EYS: variants seen among roughly 807,000 people sequenced by gnomAD.
The protein encoded by EYS is EGF-like photoreceptor maintenance factor.
A neutral mutation model predicts 282.1 loss-of-function variants in EYS; 250 were observed. That is an observed-to-expected ratio of 0.89 (90% CI 0.80 to 0.98). EYS has a LOEUF of 0.98. Ranked by LOEUF, EYS falls within the 50% of genes least tolerant of loss-of-function variation. EYS has a pLI of 0.00. For missense variants in EYS, 4,016 were observed against 3,709.0 expected, an observed-to-expected ratio of 1.08 and a Z score of -2.15; for synonymous variants, 1,355 against 1,282.9, an observed-to-expected ratio of 1.06 and a Z score of -1.20.
At chr6:65,402,144 T>C (rs1252037957) in intron 7 of EYS, among the ~76,000 whole-genome samples, 1 of 151,650 alleles carries the variant, frequency 6.6e-6, no homozygotes, top group Non-Finnish European at 1.5e-5. Context: ...ATAACAAAAA[T>C]AATACTATGG....
At chr6:65,559,757 ATATAGT>A (rs1271048284) in intron 2 of EYS, among the ~76,000 whole-genome samples, 17 of 152,094 alleles carry the variant, frequency 1.1e-4, no homozygotes, top group Non-Finnish European at 4.4e-5. Flanking sequence ...TACACTAATA[ATATAGT>A]TATAAAACTT....
intron 19 of EYS, among the ~76,000 whole-genome samples, chr6:64,859,202 T>A (rs1766159886): frequency 6.7e-6 from 1 of 148,498 alleles, no homozygotes; most frequent in Admixed American, 6.7e-5. Context: ...CAAAATAATA[T>A]TTAAAAATAT....
chr6:65,258,364 G>A (rs1447793217), intron 12 of EYS, among the ~76,000 whole-genome samples: 4 of 152,020 alleles, frequency 2.6e-5, no homozygotes, highest in Non-Finnish European at 5.9e-5. Context: ...ATTTCCCTGT[G>A]ATATAGGTAA....
chr6:64,448,162 A>G (rs1172586678), intron 26 of EYS, among the ~76,000 whole-genome samples: 1 of 152,162 alleles, frequency 6.6e-6, no homozygotes, highest in African/African-American at 2.4e-5. Flanking sequence ...CCACCCTAAT[A>G]CTGTGCTTTT....
chr6:64,342,375 A>C (rs1771154059), intron 29 of EYS, among the ~76,000 whole-genome samples: 1 of 151,960 alleles, frequency 6.6e-6, no homozygotes, highest in Non-Finnish European at 1.5e-5. Flanking sequence ...TCTCCACAGA[A>C]ACTCTACAAG....
intron 22 of EYS, among the ~76,000 whole-genome samples, chr6:64,668,581 G>A (rs1003634441): frequency 2.8e-5 from 3 of 108,642 alleles, no homozygotes; most frequent in African/African-American, 7.1e-5. Flanking sequence ...ACAGAGTCTC[G>A]CTCTGTCGCC....
chr6:65,038,381 CATA>C (rs530700469), intron 13 of EYS, among the ~76,000 whole-genome samples: 17 of 151,278 alleles, frequency 1.1e-4, no homozygotes, highest in African/African-American at 4.1e-4. Flanking sequence ...TTTTGTTTAG[CATA>C]ATATTTGAGA....
At chr6:65,401,925 G>A (rs1766519556) in intron 7 of EYS, among the ~76,000 whole-genome samples, 1 of 151,818 alleles carries the variant, frequency 6.6e-6, no homozygotes, top group Admixed American at 6.6e-5. Context: ...TGTCTATAAA[G>A]CTATTTAAAA....
chr6:65,393,065 G>C (rs370834063), intron 7 of EYS, among the ~76,000 whole-genome samples: 1 of 151,692 alleles, frequency 6.6e-6, no homozygotes, highest in African/African-American at 2.4e-5. Flanking sequence ...AGTAAACTAT[G>C]GCAAGAACAA....
intron 31 of EYS, among the ~76,000 whole-genome samples, chr6:64,140,606 G>T (rs967638760): frequency 6.6e-6 from 1 of 152,156 alleles, no homozygotes; most frequent in African/African-American, 2.4e-5. Flanking sequence ...GGCTGTGTAT[G>T]CCCCCAGCTT....
At chr6:64,498,785 A>C (rs572923800) in intron 26 of EYS, among the ~76,000 whole-genome samples, 2 of 152,238 alleles carry the variant, frequency 1.3e-5, no homozygotes, top group African/African-American at 2.4e-5. Flanking sequence ...GTCCCTGCAA[A>C]GGACATAAAC....
chr6:64,331,334 G>C (rs1032842351), intron 29 of EYS, among the ~76,000 whole-genome samples: 7 of 152,178 alleles, frequency 4.6e-5, no homozygotes, highest in African/African-American at 1.7e-4. Flanking sequence ...AGAAGTAGCA[G>C]TCATCTATTG....
At chr6:64,955,103 C>T (rs1769651010) in intron 14 of EYS, among the ~76,000 whole-genome samples, 1 of 152,046 alleles carries the variant, frequency 6.6e-6, no homozygotes, top group Non-Finnish European at 1.5e-5. Context: ...ACACTTGAAC[C>T]TGGGAGGCGG....
At chr6:64,296,578 ATATATACATATATATATATATTTT>A (rs1769016846) in intron 30 of EYS, among the ~76,000 whole-genome samples, 1 of 5,930 alleles carries the variant, frequency 1.7e-4, no homozygotes, top group East Asian at 2.7e-3. Context: ...ATATATATAT[ATATATACATATATATATATATTTT>A]TTTTTTTTTT....
At chr6:65,534,461 C>A (rs1157764905) in intron 2 of EYS, among the ~76,000 whole-genome samples, 3 of 152,052 alleles carry the variant, frequency 2.0e-5, no homozygotes, top group Non-Finnish European at 4.4e-5. Context: ...TATACAAACA[C>A]AATGGCCAGA....
intron 2 of EYS, among the ~76,000 whole-genome samples, chr6:65,583,517 T>C (rs930067241): frequency 1.1e-4 from 16 of 152,100 alleles, no homozygotes; most frequent in African/African-American, 3.9e-4. Context: ...TCTATGACTC[T>C]CATTTCATTT....
In EYS at chr6:64,839,803, G is replaced by A. The variant is rs138421155; in HGVS notation, c.2993-16981C>T. 4.8e-4 allele frequency among the ~76,000 whole-genome samples: 73 copies of A among 152,060 alleles called. No individual in the cohort carries two copies. In the East Asian group the frequency reaches 0.012, roughly 26 times the overall value. On this transcript the variant is annotated intron_variant, in intron 19 of 42. Coordinates refer to ENST00000503581, the MANE Select transcript of EYS (RefSeq NM_001142800.2). The stretch of plus-strand genomic sequence containing the variant: ...AACCCTGTGTTCTCACATAATAGAA[G>A]GGATGGAAGGACAAATAGGAAGGGT...
Position 64,591,424 on chromosome 6 carries a change from T to C in EYS, c.4443A>G (p.Arg1481=). 3.9e-6 allele frequency: 6 copies of C among 1,551,370 alleles called. No individual in the cohort carries two copies. The highest frequency in any genetic ancestry group is 1.2e-5 in the South Asian group (1 of 84,058). ...EYSADSLISR[R]EHWRLLSPSM... ...AGGGGCTGAGCAATCTCCAGTGCTCTCTTCTTGAAATTAAAGAATCAGCTG... is the reference window on the plus strand; with the variant it reads ...AGGGGCTGAGCAATCTCCAGTGCTCCCTTCTTGAAATTAAAGAATCAGCTG... The change falls in exon 26 of 43, where the codon AGA becomes AGG. Residue 1481 remains arginine (R), a synonymous_variant. Coordinates refer to ENST00000503581, the MANE Select transcript of EYS (RefSeq NM_001142800.2).
intron 22 of EYS, among the ~76,000 whole-genome samples, chr6:64,681,436 C>T (rs1235424554): frequency 2.0e-5 from 3 of 152,080 alleles, no homozygotes; most frequent in Non-Finnish European, 4.4e-5. Flanking sequence ...GGGGAAAATA[C>T]TAGGGCAAAT....
Sources: gnomAD v4.1 joint callset for allele counts (sites outside exome capture counted in the v4.1 genomes callset) on GRCh38, gnomAD v4.1.1 for gene constraint, MANE v1.5 for transcripts, NCBI Gene and HGNC (gene_info 2026-07-23, HGNC 2026-07-21) for gene names.